The following PLPP4 variants were observed in gnomAD, a reference collection of about 807,000 sequenced individuals.
The protein encoded by PLPP4 is phospholipid phosphatase 4, also known as diacylglycerol pyrophosphate like 2.
A neutral mutation model predicts 32.2 loss-of-function variants in PLPP4; 20 were observed. That is an observed-to-expected ratio of 0.62 (90% CI 0.44 to 0.90). PLPP4 has a LOEUF of 0.90. Among genes scored for constraint, PLPP4 ranks in the 40% least tolerant of loss-of-function variants. The pLI, the probability that PLPP4 is intolerant of heterozygous loss-of-function variation, is 0.00. For missense variants in PLPP4, 257 were observed against 353.1 expected (o/e 0.73, Z 2.18); for synonymous variants, 127 against 133.0 (o/e 0.95, Z 0.31).
chr10:120,562,755 T>G (rs1752257431), intron 5 of PLPP4, among the ~76,000 whole-genome samples: 1 of 152,236 alleles, frequency 6.6e-6, no homozygotes, highest in South Asian at 2.1e-4. Context: ...CCCCTTTTAC[T>G]CAATGCTAGA....
chr10:120,523,026 A>G (rs529368979), intron 5 of PLPP4, among the ~76,000 whole-genome samples: 8 of 152,340 alleles, frequency 5.3e-5, no homozygotes, highest in African/African-American at 1.7e-4. Flanking sequence ...GGCCAGGTGC[A>G]GTGGCTCACG....
intron 3 of PLPP4, among the ~76,000 whole-genome samples, chr10:120,516,793 A>G (rs1164091491): frequency 6.6e-6 from 1 of 152,126 alleles, no homozygotes; most frequent in Non-Finnish European, 1.5e-5. Context: ...CCAGCCTTTC[A>G]TGGGTCTGAT....
chr10:120,563,216 G>C (rs978033744), intron 5 of PLPP4, among the ~76,000 whole-genome samples: 4 of 152,248 alleles, frequency 2.6e-5, no homozygotes, highest in African/African-American at 9.6e-5. Flanking sequence ...TCCAGCCTGG[G>C]TAACAAGAGC....
intron 1 of PLPP4, among the ~76,000 whole-genome samples, chr10:120,477,080 G>C (rs1296836934): frequency 6.6e-6 from 1 of 152,092 alleles, no homozygotes. Context: ...AGACTTGTTG[G>C]AAAACAGTGT....
chr10:120,574,472 A>G (rs1235601839), intron 5 of PLPP4, among the ~76,000 whole-genome samples: 1 of 152,210 alleles, frequency 6.6e-6, no homozygotes, highest in African/African-American at 2.4e-5. Flanking sequence ...TAGCACAGCC[A>G]TGAGTTGTCT....
intron 6 of PLPP4, chr10:120,580,893 C>T: frequency 7.8e-7 from 1 of 1,289,302 alleles, no homozygotes; most frequent in Non-Finnish European, 1.0e-6. Context: ...ATTTTCCCTC[C>T]ACAGTTGGCT....
intron 5 of PLPP4, among the ~76,000 whole-genome samples, chr10:120,542,558 A>G (rs1452301288): frequency 6.6e-6 from 1 of 152,218 alleles, no homozygotes; most frequent in Non-Finnish European, 1.5e-5. Context: ...AGGCTTGGCC[A>G]TGCATTCTCA....
intron 5 of PLPP4, among the ~76,000 whole-genome samples, chr10:120,567,082 T>G (rs996101126): frequency 1.3e-5 from 2 of 152,198 alleles, no homozygotes; most frequent in Non-Finnish European, 2.9e-5. Flanking sequence ...TTTGGGAACC[T>G]TGTTTTTATT....
chr10:120,533,488 G>A (rs558045345), intron 5 of PLPP4, among the ~76,000 whole-genome samples: 1 of 152,066 alleles, frequency 6.6e-6, no homozygotes, highest in African/African-American at 2.4e-5. Flanking sequence ...TCTCATGATA[G>A]TATTGTTTAC....
intron 3 of PLPP4, among the ~76,000 whole-genome samples, chr10:120,514,979 T>C (rs1444257651): frequency 1.3e-5 from 2 of 152,128 alleles, no homozygotes; most frequent in Non-Finnish European, 2.9e-5. Context: ...TAGCAAAATA[T>C]GATCCTCCCT....
chr10:120,568,742 A>G (rs1199737112), intron 5 of PLPP4, among the ~76,000 whole-genome samples: 2 of 152,216 alleles, frequency 1.3e-5, no homozygotes. Context: ...TCATTGTGGC[A>G]TATAATCAAA....
rs542566194 is a variant in PLPP4 at position 120,462,750 on chromosome 10, A to G, written c.56+5389A>G. Among the ~76,000 whole-genome samples, 12 of 147,172 alleles carry G rather than the reference A, an allele frequency of 8.2e-5. No homozygotes were observed. The East Asian group carries it at 1.9e-3, about 24-fold the overall frequency. On this transcript the variant is annotated intron_variant, in intron 1 of 6. Transcript: ENST00000398250. ...TAAAATAGAGATCGAGGCCCGCAGA[A>G]TCTGCATTTTGAACAGGGGCTCCTT...
intron 1 of PLPP4, among the ~76,000 whole-genome samples, chr10:120,486,209 G>A (rs1053467522): frequency 2.0e-5 from 3 of 151,618 alleles, no homozygotes; most frequent in Admixed American, 6.6e-5. Flanking sequence ...TCTTAAATTC[G>A]GGCAGCCCCG....
chr10:120,474,975 A>T (rs1024018099), intron 1 of PLPP4, among the ~76,000 whole-genome samples: 4 of 152,164 alleles, frequency 2.6e-5, no homozygotes, highest in African/African-American at 9.7e-5. Context: ...TTGAGTGAAA[A>T]TTTTAAATTG....
At chr10:120,474,922 T>C (rs959040938) in intron 1 of PLPP4, among the ~76,000 whole-genome samples, 1 of 152,204 alleles carries the variant, frequency 6.6e-6, no homozygotes, top group Non-Finnish European at 1.5e-5. Context: ...AGGTTAAAGA[T>C]TTCACCCAGC....
intron 1 of PLPP4, among the ~76,000 whole-genome samples, chr10:120,457,966 G>A (rs550339312): frequency 7.4e-4 from 112 of 152,354 alleles, no homozygotes; most frequent in African/African-American, 2.5e-3. Flanking sequence ...CCCGGTCGAT[G>A]TCCGCTTTGG....
chr10:120,578,360 G>A (rs1304389270), intron 6 of PLPP4, among the ~76,000 whole-genome samples: 1 of 152,204 alleles, frequency 6.6e-6, no homozygotes, highest in African/African-American at 2.4e-5. Context: ...GAACTGAGCT[G>A]CCCAGTGACT....
intron 6 of PLPP4, among the ~76,000 whole-genome samples, chr10:120,588,240 C>T (rs373464346): frequency 5.9e-5 from 9 of 152,190 alleles, no homozygotes; most frequent in South Asian, 2.1e-4. Flanking sequence ...AGATACTAAG[C>T]GAGAGTTGTT....
At chr10:120,505,164 A>G (rs957242524) in intron 2 of PLPP4, among the ~76,000 whole-genome samples, 5 of 152,222 alleles carry the variant, frequency 3.3e-5, no homozygotes, top group African/African-American at 1.2e-4. Context: ...GCATTCCAAG[A>G]GAGATGAGGG....
Sources: gnomAD v4.1 joint callset for allele counts (sites outside exome capture counted in the v4.1 genomes callset) on GRCh38, gnomAD v4.1.1 for gene constraint, MANE v1.5 for transcripts, NCBI Gene and HGNC (gene_info 2026-07-23, HGNC 2026-07-21) for gene names.